HELZ: variants seen among roughly 807,000 people sequenced by gnomAD.
HELZ encodes the protein ATP-dependent RNA helicase with zinc finger domain.
A neutral mutation model predicts 218.2 loss-of-function variants in HELZ; 23 were observed. The observed-to-expected ratio is 0.11, with a 90% CI of 0.08 to 0.15. HELZ has a LOEUF of 0.15. Ranked by LOEUF, HELZ falls within the 10% of genes least tolerant of loss-of-function variation. The pLI, the probability that HELZ is intolerant of heterozygous loss-of-function variation, is 1.00. For synonymous variants in HELZ, 814 were observed against 829.4 expected (o/e 0.98, Z 0.32); for missense variants, 1,813 against 2,353.7 (o/e 0.77, Z 4.75).
chr17:67,105,926 T>C (rs901413323), intron 31 of HELZ, among the ~76,000 whole-genome samples: 3 of 152,238 alleles, frequency 2.0e-5, no homozygotes, highest in Non-Finnish European at 4.4e-5. Flanking sequence ...AAATAAGACA[T>C]ACAGCTTTCC....
At chr17:67,149,788 G>C in intron 19 of HELZ, 79 bp downstream of exon 19, 2 of 761,584 alleles carry the variant, frequency 2.6e-6, no homozygotes, top group Non-Finnish European at 2.2e-6. Flanking sequence ...AATGTCATAG[G>C]ATGTTTTAGA....
chr17:67,117,859 T>C (rs979919503), intron 27 of HELZ, among the ~76,000 whole-genome samples: 2 of 152,110 alleles, frequency 1.3e-5, no homozygotes, highest in South Asian at 2.1e-4. Context: ...CCTGAAAACT[T>C]TTTTTAATGC....
At chr17:67,222,908 T>C (rs2040786530) in intron 3 of HELZ, among the ~76,000 whole-genome samples, 1 of 152,088 alleles carries the variant, frequency 6.6e-6, no homozygotes, top group Non-Finnish European at 1.5e-5. Flanking sequence ...ATCTATTGTA[T>C]GTGATCCTGC....
chr17:67,164,546 A>T (rs1225170472), intron 15 of HELZ, among the ~76,000 whole-genome samples: 1 of 152,208 alleles, frequency 6.6e-6, no homozygotes, highest in Non-Finnish European at 1.5e-5. Flanking sequence ...GACTATATTT[A>T]ACACTATGGA....
At chr17:67,124,199 G>C (rs1396149866) in intron 24 of HELZ, among the ~76,000 whole-genome samples, 185 bp from the exon 25 acceptor site, 1 of 151,986 alleles carries the variant, frequency 6.6e-6, no homozygotes, top group East Asian at 1.9e-4. Flanking sequence ...TTATGTCACA[G>C]CCATCTCAAA....
intron 32 of HELZ, among the ~76,000 whole-genome samples, chr17:67,080,596 G>T (rs1440196697): frequency 3.9e-5 from 6 of 152,118 alleles, no homozygotes; most frequent in Non-Finnish European, 8.8e-5. Flanking sequence ...TATTTATTGG[G>T]CACTTACTAT....
intron 31 of HELZ, among the ~76,000 whole-genome samples, chr17:67,096,667 T>C (rs2036758491): frequency 6.6e-6 from 1 of 152,236 alleles, no homozygotes; most frequent in African/African-American, 2.4e-5. Context: ...AGCTTCTTCA[T>C]CTATCTCCAG....
intron 5 of HELZ, among the ~76,000 whole-genome samples, chr17:67,212,646 T>G (rs537394792): frequency 6.6e-6 from 1 of 152,220 alleles, no homozygotes; most frequent in African/African-American, 2.4e-5. Context: ...ATATACTGCT[T>G]TTGGATTTAT....
At chr17:67,195,847 T>TC (rs2040010733) in intron 7 of HELZ, among the ~76,000 whole-genome samples, 1 of 144,322 alleles carries the variant, frequency 6.9e-6, no homozygotes, top group African/African-American at 2.7e-5. Context: ...CCTTTTTTTT[T>TC]TTTTCTTTTT....
chr17:67,150,571 C>T (rs190370532), intron 18 of HELZ, among the ~76,000 whole-genome samples: 1 of 152,172 alleles, frequency 6.6e-6, no homozygotes, highest in East Asian at 1.9e-4. Context: ...TAATAACATG[C>T]CATAATAAAA....
chr17:67,237,748 G>A (rs1174913289), intron 3 of HELZ, among the ~76,000 whole-genome samples: 1 of 152,052 alleles, frequency 6.6e-6, no homozygotes, highest in Non-Finnish European at 1.5e-5. Context: ...CAGCTCTTTG[G>A]GAGGCCAAGG....
chr17:67,202,641 A>G (rs896768555), intron 6 of HELZ, among the ~76,000 whole-genome samples: 1 of 152,258 alleles, frequency 6.6e-6, no homozygotes, highest in Non-Finnish European at 1.5e-5. Flanking sequence ...AGATAGATTT[A>G]AACATTTTAT....
rs115411899 is a variant in HELZ at position 67,230,154 on chromosome 17, T to C, written c.-19+9279A>G. 6.9e-3 allele frequency among the ~76,000 whole-genome samples: 1,057 copies of C among 152,302 alleles called. 11 individuals are homozygous for C. The highest frequency in any genetic ancestry group is 0.023 in the African/African-American group (953 of 41,566). ...CATCTATTACTTTGATTTTTCCTGA[T>C]CCATTTTTCAGGGTTTCCAGCAATT... On this transcript the variant is annotated intron_variant, in intron 3 of 32. Coordinates refer to ENST00000358691, the MANE Select transcript of HELZ (RefSeq NM_014877.4).
In HELZ at chr17:67,108,759, AT is replaced by A. The variant is rs1567807266; in HGVS notation, c.4490-34del. ...AATATTTGTGAAAAATTTTTTATGA[AT>A]TTGGGGTTTCAAGTTCATTATTTAA... On this transcript the variant is annotated intron_variant, in intron 29 of 32. Coordinates refer to ENST00000358691, the MANE Select transcript of HELZ (RefSeq NM_014877.4). The surrounding 1 kb of genome is among the most constrained non-coding windows in gnomAD (Gnocchi z 4.1). 5 of 1,485,308 alleles carry A rather than the reference AT, an allele frequency of 3.4e-6. No individual in the cohort carries two copies. Among genetic ancestry groups the A allele is most frequent in the Non-Finnish European group, 4.6e-6 (5 of 1,093,788 alleles). 92.0% of individuals were successfully genotyped at this position (1,485,308 alleles called of 1,614,324 possible). A position where few individuals can be genotyped will look rare whatever the true frequency, so the allele number is the denominator to read the frequency against.
At chr17:67,160,422 A>G in intron 16 of HELZ, 60 bp from the exon 17 acceptor site, 4 of 1,150,530 alleles carry the variant, frequency 3.5e-6, no homozygotes, top group Admixed American at 1.9e-5. Context: ...TTCAAGCAGT[A>G]TAATACCAAA....
chr17:67,089,816 G>A (rs1373368643), intron 31 of HELZ, among the ~76,000 whole-genome samples: 1 of 150,650 alleles, frequency 6.6e-6, no homozygotes, highest in Non-Finnish European at 1.5e-5. Context: ...CCAAGGAATT[G>A]GGAGATTCCT....
At chr17:67,086,500 G>A (rs2036376817) in intron 32 of HELZ, among the ~76,000 whole-genome samples, 2 of 150,920 alleles carry the variant, frequency 1.3e-5, no homozygotes, top group African/African-American at 2.4e-5. Flanking sequence ...AGAATCACTT[G>A]AACCCAGGAG....
chr17:67,152,197 G>C (rs1472837729), intron 17 of HELZ, among the ~76,000 whole-genome samples: 1 of 152,132 alleles, frequency 6.6e-6, no homozygotes, highest in Non-Finnish European at 1.5e-5. Context: ...TGATTTTTGT[G>C]GTGTAAAACT....
At chr17:67,216,779 T>C (rs2040611348) in intron 4 of HELZ, among the ~76,000 whole-genome samples, 1 of 152,182 alleles carries the variant, frequency 6.6e-6, no homozygotes, top group African/African-American at 2.4e-5. Context: ...CATGGCTTTC[T>C]TGGCAGCTGC....
Sources: gnomAD v4.1 joint callset for allele counts (sites outside exome capture counted in the v4.1 genomes callset) on GRCh38, gnomAD v4.1.1 for gene constraint, Gnocchi (gnomAD v3.1) non-coding constraint, MANE v1.5 for transcripts, NCBI Gene and HGNC (gene_info 2026-07-23, HGNC 2026-07-21) for gene names.